The following WDPCP variants were observed in gnomAD, a reference collection of about 807,000 sequenced individuals.
WDPCP encodes the protein WD repeat containing planar cell polarity effector.
In WDPCP, 71 loss-of-function variants were observed where a neutral mutation model predicts 93.1. The ratio of observed to expected loss-of-function variants is 0.76; its 90% CI spans 0.63 to 0.93. WDPCP has a LOEUF of 0.93. Among genes scored for constraint, WDPCP ranks in the 40% least tolerant of loss-of-function variants. The pLI is 0.00. For synonymous variants in WDPCP, 315 were observed against 315.0 expected, an observed-to-expected ratio of 1.00 and a Z score of 0.00; for missense variants, 844 against 887.4, an observed-to-expected ratio of 0.95 and a Z score of 0.62.
chr2:63,153,060 T>A (rs1475503666), intron 16 of WDPCP, 115 bp from the exon 17 acceptor site: 2 of 854,694 alleles, frequency 2.3e-6, no homozygotes, highest in African/African-American at 3.4e-5. Flanking sequence ...GTTACAATGC[T>A]GAGAACTCTA....
At chr2:63,663,090 C>A (rs1484861079) in intron 2 of WDPCP, among the ~76,000 whole-genome samples, 1 of 152,212 alleles carries the variant, frequency 6.6e-6, no homozygotes, top group Non-Finnish European at 1.5e-5. Flanking sequence ...CCTTACAACA[C>A]AACAATCTGT....
At chr2:63,695,214 C>T (rs1668947787) in intron 2 of WDPCP, among the ~76,000 whole-genome samples, 1 of 152,028 alleles carries the variant, frequency 6.6e-6, no homozygotes, top group Non-Finnish European at 1.5e-5. Flanking sequence ...AAAATTAAAA[C>T]ATTTATTTTC....
rs374274900 is a variant in WDPCP, at chr2:63,631,826, A to C, written n.488+18833T>G. ...ACTCCAGCAACCTTTGCTGCTCAGG[A>C]ACTCAATAGCCCTGATGACAGCCAC... is the stretch of plus-strand genomic sequence containing the variant. On this transcript the variant is annotated intron_variant and non_coding_transcript_variant, in intron 3 of 4. Transcript: ENST00000467687. Among the ~76,000 whole-genome samples the C allele has an allele frequency of 1.4e-4, 22 of 152,280 alleles. No individual in the cohort carries two copies. In the East Asian group the frequency reaches 2.3e-3, roughly 16 times the overall value.
At chr2:63,285,295 G>A (rs1683899132) in intron 13 of WDPCP, among the ~76,000 whole-genome samples, 1 of 152,104 alleles carries the variant, frequency 6.6e-6, no homozygotes, top group Admixed American at 6.5e-5. Flanking sequence ...TTAGCCGGGT[G>A]TGGTGGCGGG....
chr2:63,652,221 C>CACACAG (rs1251014472), intron 2 of WDPCP, among the ~76,000 whole-genome samples: 3 of 152,170 alleles, frequency 2.0e-5, no homozygotes, highest in South Asian at 2.1e-4. Flanking sequence ...CCTGGCCACC[C>CACACAG]ACACAGACAC....
At chr2:63,170,316 T>C (rs1369397678) in intron 15 of WDPCP, among the ~76,000 whole-genome samples, 3 of 150,970 alleles carry the variant, frequency 2.0e-5, no homozygotes, top group African/African-American at 7.3e-5. Context: ...TCTGTCACCC[T>C]GGCTGGAGTG....
chr2:63,668,302 G>C (rs1374308), intron 2 of WDPCP, among the ~76,000 whole-genome samples: 122,055 of 152,158 alleles, frequency 0.8, 49,379 homozygotes, highest in East Asian at 0.98. Context: ...AAAACTGCAG[G>C]TTCAGTGTTC....
chr2:63,320,745 AAAG>A (rs1241965992), intron 12 of WDPCP, among the ~76,000 whole-genome samples: 1 of 146,598 alleles, frequency 6.8e-6, no homozygotes, highest in Non-Finnish European at 1.5e-5. Flanking sequence ...AAAATAATCC[AAAG>A]AAGGAAGGAA....
chr2:63,235,798 C>T (rs780112324), intron 14 of WDPCP, among the ~76,000 whole-genome samples: 1 of 152,078 alleles, frequency 6.6e-6, no homozygotes, highest in Non-Finnish European at 1.5e-5. Flanking sequence ...ATCCAACATC[C>T]TTCTTGATAA....
chr2:63,799,124 G>C (rs1670659219), intron 2 of WDPCP, among the ~76,000 whole-genome samples: 1 of 152,026 alleles, frequency 6.6e-6, no homozygotes, highest in Non-Finnish European at 1.5e-5. Flanking sequence ...ACAACTAATA[G>C]TTTTCTGTTC....
At chr2:63,337,767 T>C (rs1299162087) in intron 12 of WDPCP, among the ~76,000 whole-genome samples, 4 of 152,204 alleles carry the variant, frequency 2.6e-5, no homozygotes, top group African/African-American at 9.6e-5. Flanking sequence ...TGAACAGTTT[T>C]TCCACATATA....
At chr2:63,466,793 A>G (rs1385660245) in intron 6 of WDPCP, among the ~76,000 whole-genome samples, 2 of 152,220 alleles carry the variant, frequency 1.3e-5, no homozygotes, top group Non-Finnish European at 2.9e-5. Context: ...CTGAATAAAT[A>G]TGAGAAAAAT....
intron 17 of WDPCP, among the ~76,000 whole-genome samples, chr2:63,122,503 G>A (rs867901590): frequency 6.6e-6 from 1 of 152,142 alleles, no homozygotes. Flanking sequence ...AGAAAAGATT[G>A]TGGTTTTATA....
chr2:63,599,448 T>C (rs1709381241), intron 3 of WDPCP: 1 of 695,050 alleles, frequency 1.4e-6, no homozygotes, highest in African/African-American at 1.8e-5. Flanking sequence ...TATTATTCAT[T>C]TGTTAGGGAG....
chr2:63,486,963 C>G (rs938719244), intron 3 of WDPCP, among the ~76,000 whole-genome samples: 1 of 152,042 alleles, frequency 6.6e-6, no homozygotes, highest in Non-Finnish European at 1.5e-5. Flanking sequence ...GCTGCTCACA[C>G]AAGCCCACTT....
chr2:63,228,759 A>AACTC (rs1348384538), intron 14 of WDPCP: 1 of 152,128 alleles, frequency 6.6e-6, no homozygotes, highest in East Asian at 1.9e-4. Context: ...AAAGGACATG[A>AACTC]ACTCATCCTT....
intron 13 of WDPCP, among the ~76,000 whole-genome samples, chr2:63,300,252 T>G (rs932167334): frequency 6.6e-6 from 1 of 152,142 alleles, no homozygotes; most frequent in African/African-American, 2.4e-5. Context: ...TAAATTTTCC[T>G]GGTGCATGAC....
rs555472710 is a variant in WDPCP, at chr2:63,613,220, T to C, written n.488+37439A>G. Among the ~76,000 whole-genome samples, 5 of 152,384 alleles carry C rather than the reference T, an allele frequency of 3.3e-5. No individual in the cohort carries two copies. The South Asian group carries it at 8.3e-4, about 25-fold the overall frequency. The stretch of plus-strand genomic sequence containing the variant: ...AAAATCCCAAGAACTTTTGTCCCAC[T>C]GTCTTAAGACTAGTCCTCCAGTAGT... On this transcript the variant is annotated intron_variant and non_coding_transcript_variant, in intron 3 of 4. Transcript: ENST00000467687.
chr2:63,528,490 T>C (rs759959290), intron 1 of WDPCP, among the ~76,000 whole-genome samples: 99 of 152,378 alleles, frequency 6.5e-4, no homozygotes, highest in Non-Finnish European at 1.2e-3. Context: ...TCCCCAGTTC[T>C]TGTTTTTATC....
Sources: allele counts gnomAD v4.1 joint callset (sites outside exome capture counted in the v4.1 genomes callset), GRCh38; gene constraint gnomAD v4.1.1; transcripts MANE v1.5; gene names NCBI Gene and HGNC (gene_info 2026-07-23, HGNC 2026-07-21).